Variants in BATF observed in about 807,000 individuals in gnomAD.
The protein encoded by BATF is basic leucine zipper transcriptional factor ATF-like.
Under a neutral mutation model 13.7 loss-of-function variants are expected in BATF, and 5 were observed. The ratio of observed to expected loss-of-function variants is 0.36; its 90% CI spans 0.19 to 0.77. BATF has a LOEUF of 0.77. Among genes scored for constraint, BATF ranks in the 30% least tolerant of loss-of-function variants. BATF has a pLI of 0.51. For missense variants in BATF, 124 were observed against 163.0 expected (o/e 0.76, Z 1.30); for synonymous variants, 72 against 67.5 (o/e 1.07, Z -0.33).
chr14:75,541,458 G>T (rs1289171093), intron 2 of BATF, among the ~76,000 whole-genome samples: 6 of 152,136 alleles, frequency 3.9e-5, no homozygotes, highest in Non-Finnish European at 8.8e-5. Flanking sequence ...GGAAGGTCTG[G>T]CCTCGAGTCA....
chr14:75,530,013 A>G (rs1443957744), intron 2 of BATF, among the ~76,000 whole-genome samples: 2 of 151,350 alleles, frequency 1.3e-5, no homozygotes, highest in Non-Finnish European at 2.9e-5. Flanking sequence ...GCAGTGAACC[A>G]AGATAGCGCC....
At chr14:75,536,228 G>A (rs1026290020) in intron 2 of BATF, among the ~76,000 whole-genome samples, 16 of 152,184 alleles carry the variant, frequency 1.1e-4, no homozygotes, top group African/African-American at 3.6e-4. Flanking sequence ...TTGGGGCAGC[G>A]ATCAGGGGAG....
At chr14:75,533,288 C>T (rs988101979) in intron 2 of BATF, among the ~76,000 whole-genome samples, 2 of 151,922 alleles carry the variant, frequency 1.3e-5, no homozygotes, top group Non-Finnish European at 2.9e-5. Context: ...ATTAGCCAGG[C>T]GTGGTGGCGG....
chr14:75,533,336 G>C (rs1482068128), intron 2 of BATF, among the ~76,000 whole-genome samples: 2 of 151,178 alleles, frequency 1.3e-5, no homozygotes, highest in East Asian at 3.9e-4. Context: ...GATGAGGCAG[G>C]AGAACGGCAT....
At chr14:75,543,469 C>A (rs956781889) in intron 2 of BATF, among the ~76,000 whole-genome samples, 15 of 152,144 alleles carry the variant, frequency 9.9e-5, no homozygotes, top group Non-Finnish European at 1.9e-4. Flanking sequence ...AAGACCCCCC[C>A]CAGGATGTGG....
chr14:75,529,940 T>C (rs1278699849), intron 2 of BATF, among the ~76,000 whole-genome samples: 1 of 151,794 alleles, frequency 6.6e-6, no homozygotes, highest in Non-Finnish European at 1.5e-5. Context: ...GGCGGGTGCC[T>C]GTAGTCCCAG....
intron 2 of BATF, among the ~76,000 whole-genome samples, chr14:75,542,031 T>C (rs1887903733): frequency 6.6e-6 from 1 of 151,456 alleles, no homozygotes; most frequent in Non-Finnish European, 1.5e-5. Flanking sequence ...AAGCAGTCAG[T>C]GTGAGAGAAG....
Position 75,525,088 on chromosome 14 carries a change from C to T in BATF, c.68C>T (p.Ser23Leu). The change falls in exon 2 of 3, where the codon TCA (serine) becomes TTA (leucine). Residue 23 changes from serine (S) to leucine (L), a missense_variant. By Grantham distance (145) the Ser-to-Leu change is moderately radical. Around this residue, in one of 2 missense-constraint regions of BATF, gnomAD observed 65 missense variants for 113.3 expected, o/e 0.57. Transcript: ENST00000286639. Reference protein sequence around the residue: ...SRSPPPGKQDSSDDVRRVQRR... With the variant: ...SRSPPPGKQDLSDDVRRVQRR... ...CTCCCCGTCTCTGCTTCCCAGGACT[C>T]ATCTGATGATGTGAGAAGAGTTCAG... The T allele has an allele frequency of 6.2e-7, 1 of 1,612,748 alleles. No individual in the cohort carries two copies. Among genetic ancestry groups the T allele is most frequent in the East Asian group, 2.2e-5 (1 of 44,874 alleles).
intron 2 of BATF, among the ~76,000 whole-genome samples, chr14:75,538,196 T>C (rs1471116829): frequency 6.6e-6 from 1 of 152,190 alleles, no homozygotes; most frequent in East Asian, 1.9e-4. Context: ...CGGGCTCAAA[T>C]GACCCTCCTG....
At chr14:75,543,987 C>T (rs1012642503) in intron 2 of BATF, among the ~76,000 whole-genome samples, 13 of 152,066 alleles carry the variant, frequency 8.5e-5, no homozygotes, top group African/African-American at 3.1e-4. Flanking sequence ...CACCACCCAC[C>T]CTATTTTTGA....
intron 2 of BATF, among the ~76,000 whole-genome samples, chr14:75,543,362 G>T (rs1031518508): frequency 5.9e-5 from 9 of 152,160 alleles, no homozygotes; most frequent in African/African-American, 2.2e-4. Flanking sequence ...AGAAATGCCA[G>T]GTTGAGGCTG....
intron 2 of BATF, among the ~76,000 whole-genome samples, chr14:75,534,383 A>G (rs1887788488): frequency 6.6e-6 from 1 of 152,228 alleles, no homozygotes; most frequent in Non-Finnish European, 1.5e-5. Flanking sequence ...TCTCAACCCC[A>G]GTGGAACTGA....
At chr14:75,533,422 C>G (rs1357286923) in intron 2 of BATF, among the ~76,000 whole-genome samples, 2 of 139,934 alleles carry the variant, frequency 1.4e-5, no homozygotes, top group Admixed American at 1.5e-4. Flanking sequence ...AGTGAGACTC[C>G]GTCTCAAAAA....
At chr14:75,529,413 C>G (rs1887700529) in intron 2 of BATF, among the ~76,000 whole-genome samples, 1 of 151,986 alleles carries the variant, frequency 6.6e-6, no homozygotes, top group Admixed American at 6.6e-5. Flanking sequence ...GTGGGCAGAT[C>G]ACTTGAAGTC....
intron 2 of BATF, among the ~76,000 whole-genome samples, chr14:75,534,336 T>C (rs1017041808): frequency 6.6e-6 from 1 of 152,206 alleles, no homozygotes; most frequent in Admixed American, 6.5e-5. Flanking sequence ...TAATTTCCTA[T>C]TCTGATTATG....
At chr14:75,532,664 CA>C (rs1195557646) in intron 2 of BATF, among the ~76,000 whole-genome samples, 4 of 152,100 alleles carry the variant, frequency 2.6e-5, no homozygotes, top group Non-Finnish European at 5.9e-5. Flanking sequence ...TAAAACTTGA[CA>C]GGGGGCTTAC....
intron 2 of BATF, among the ~76,000 whole-genome samples, chr14:75,534,912 A>C (rs1794602956): frequency 6.6e-6 from 1 of 152,192 alleles, no homozygotes; most frequent in Non-Finnish European, 1.5e-5. Context: ...TGTTCATCTC[A>C]GCATTATTTT....
At position 75,522,575 on chromosome 14, in the gene BATF, G is replaced by A; in HGVS notation, c.-108G>A. On this transcript the variant is annotated 5_prime_UTR_variant, in exon 1 of 3. Transcript: ENST00000286639. ...GGGCAGGCAGAGGAGGCACCTGTAG[G>A]GGGTGGTGGGCTGGTGGCCCAGGAG... is the stretch of plus-strand genomic sequence containing the variant. The A allele has an allele frequency of 1.6e-6, 2 of 1,279,022 alleles. No homozygotes were observed. Among genetic ancestry groups the A allele is most frequent in the Non-Finnish European group, 2.3e-6 (2 of 884,650 alleles). The allele number at this position is 1,279,022 out of a possible 1,614,324, so 79.2% of individuals were successfully genotyped here. A position where few individuals can be genotyped will look rare whatever the true frequency, so the allele number is the denominator to read the frequency against.
intron 2 of BATF, among the ~76,000 whole-genome samples, chr14:75,541,821 G>A (rs936445757): frequency 3.9e-5 from 6 of 152,088 alleles, no homozygotes; most frequent in Admixed American, 2.6e-4. Context: ...GCGCCACCAC[G>A]CCCGGCTAAT....
Sources: allele counts gnomAD v4.1 joint callset (sites outside exome capture counted in the v4.1 genomes callset), GRCh38; gene constraint gnomAD v4.1.1; regional missense constraint gnomAD v4.1.1; transcripts MANE v1.5; gene names NCBI Gene and HGNC (gene_info 2026-07-23, HGNC 2026-07-21).